TMC6: variants seen among roughly 807,000 people sequenced by gnomAD.
TMC6 encodes the protein transmembrane channel like 6.
In TMC6, 71 loss-of-function variants were observed where a neutral mutation model predicts 95.4. The ratio of observed to expected loss-of-function variants is 0.74; its 90% CI spans 0.61 to 0.91. TMC6 has a LOEUF of 0.91. Ranked by LOEUF, TMC6 falls within the 40% of genes least tolerant of loss-of-function variation. The pLI, the probability that TMC6 is intolerant of heterozygous loss-of-function variation, is 0.00. For missense variants in TMC6, 1,074 were observed against 1,079.1 expected (o/e 1.00, Z 0.07); for synonymous variants, 514 against 483.1 (o/e 1.06, Z -0.84).
At chr17:78,126,493 C>T (rs534061801) in intron 3 of TMC6, 31 bp downstream of exon 3, 2 of 1,612,202 alleles carry the variant, frequency 1.2e-6, no homozygotes, top group East Asian at 4.5e-5. Flanking sequence ...AGTCTTGGTC[C>T]ACACCACCCA....
intron 2 of TMC6, 46 bp downstream of exon 2, chr17:78,126,731 G>A (rs572083133): frequency 6.2e-6 from 10 of 1,611,708 alleles, no homozygotes; most frequent in African/African-American, 2.7e-5. Context: ...CTCTCCGTGG[G>A]GGGTGGAACA....
chr17:78,124,589 C>T lies in TMC6; in HGVS notation c.826G>A (p.Ala276Thr), dbSNP rs201290210. ...LVAFIMGPQV[A>T]FPPALPGPAP... The stretch of plus-strand genomic sequence containing the variant: ...GGGCCCGGCAGGGCGGGTGGGAAGG[C>T]GACCTGAGGGCCCATGATGAAGGCC... The change falls in exon 8 of 20, where the codon GCC becomes ACC. Residue 276 changes from alanine to threonine, a missense_variant. Physicochemically the swap from Ala to Thr is moderately conservative, Grantham distance 58. Coordinates refer to ENST00000590602, the MANE Select transcript of TMC6 (RefSeq NM_001127198.5). The T allele has an allele frequency of 2.1e-5, 34 of 1,612,206 alleles. No homozygotes were observed. The highest frequency in any genetic ancestry group is 6.7e-5 in the African/African-American group (5 of 75,030).
At position 78,116,276 on chromosome 17, in the gene TMC6, C is replaced by CTT. The variant is rs34774395; in HGVS notation, c.2277+991_2277+992dup. On this transcript the variant is annotated intron_variant, in intron 18 of 19. Coordinates refer to ENST00000590602, the MANE Select transcript of TMC6 (RefSeq NM_001127198.5). ...AGAGGCCTGAGCCCCCATGCCCAGG[C>CTT]TTTTTTTTTTTTTTTTTTATGAGAC... Among the ~76,000 whole-genome samples, 173 of 125,432 alleles carry CTT rather than the reference C, an allele frequency of 1.4e-3. 3 individuals are homozygous for CTT. Among genetic ancestry groups the CTT allele is most frequent in the Admixed American group, 2.7e-3 (33 of 12,404 alleles). The allele number at this position is 125,432 out of a possible 152,430, so 82.3% of individuals were successfully genotyped here. A position where few individuals can be genotyped will look rare whatever the true frequency, so the allele number is the denominator to read the frequency against.
At chr17:78,127,099 T>A in intron 1 of TMC6, 193 bp from the exon 2 acceptor site, 1 of 580,216 alleles carries the variant, frequency 1.7e-6, no homozygotes. Context: ...GGGGGCCCCC[T>A]CCAGTGTCAG....
intron 5 of TMC6, 88 bp from the exon 6 acceptor site, chr17:78,125,351 C>T: frequency 5.8e-6 from 7 of 1,213,196 alleles, no homozygotes; most frequent in Non-Finnish European, 8.2e-6. Context: ...CTGTGTGTCC[C>T]TGCGGCACCG....
intron 15 of TMC6, 37 bp from the exon 16 acceptor site, chr17:78,117,972 AC>A: frequency 6.4e-7 from 1 of 1,572,088 alleles, no homozygotes; most frequent in Admixed American, 1.9e-5. Context: ...CCATCCTGCT[AC>A]CCCTCAGCAC....
upstream of TMC6, chr17:78,131,580 C>A: frequency 1.3e-6 from 2 of 1,543,536 alleles, no homozygotes; most frequent in Non-Finnish European, 1.7e-6. Context: ...TCTACCCGTG[C>A]CCGCCGAGAT....
At chr17:78,115,702 G>GA (rs1567983102) in intron 18 of TMC6, among the ~76,000 whole-genome samples, 14 of 26,742 alleles carry the variant, frequency 5.2e-4, no homozygotes, top group Non-Finnish European at 6.6e-4. Context: ...TGGGCACAGG[G>GA]GCGAAGGGAG....
At chr17:78,131,663 G>T, upstream of TMC6, 1 of 1,568,054 alleles carries the variant, frequency 6.4e-7, no homozygotes, top group East Asian at 2.3e-5. Context: ...GGGAGGCAGA[G>T]ATGGAGCGGC....
chr17:78,126,761 G>T lies in TMC6; in HGVS notation c.56+16C>A, dbSNP rs1343332762. Reference sequence around the variant, plus strand: ...GGAACATTCCAGCCTCCAGCCCCCAGCCCCAGAGCGCTTACCCCTGGTCCC... The same window carrying T: ...GGAACATTCCAGCCTCCAGCCCCCATCCCCAGAGCGCTTACCCCTGGTCCC... On this transcript the variant is annotated intron_variant, in intron 2 of 19. Transcript: ENST00000590602. 1.2e-6 allele frequency: 2 copies of T among 1,612,914 alleles called. No individual in the cohort carries two copies. The highest frequency in any genetic ancestry group is 3.3e-5 in the Admixed American group (2 of 59,978).
intron 13 of TMC6, 97 bp downstream of exon 13, chr17:78,120,556 C>T (rs370165685): frequency 6.4e-7 from 1 of 1,565,580 alleles, no homozygotes; most frequent in East Asian, 2.2e-5. Flanking sequence ...ACACAGGGCC[C>T]TGATGGGAAA....
chr17:78,113,669 C>T (rs764051991), intron 18 of TMC6, 45 bp from the exon 19 acceptor site: 1 of 1,599,100 alleles, frequency 6.3e-7, no homozygotes, highest in Non-Finnish European at 8.5e-7. Context: ...CATCCATCAG[C>T]CCATCCAGAG....
chr17:78,118,954 G>T lies in TMC6; in HGVS notation c.1887+17C>A. ...CACCCTGCCAGCCCAGCCCTCCCCA[G>T]GCCTTGGCAGCCTCACCTTCTTGAC... is the stretch of plus-strand genomic sequence containing the variant. On this transcript the variant is annotated intron_variant, in intron 15 of 19. Transcript: ENST00000590602. 6.3e-7 allele frequency: 1 copy of T among 1,585,556 alleles called. No individual in the cohort carries two copies. The highest frequency in any genetic ancestry group is 8.6e-7 in the Non-Finnish European group (1 of 1,166,074).
intron 1 of TMC6, among the ~76,000 whole-genome samples, chr17:78,127,372 C>A (rs1035153250): frequency 6.6e-6 from 1 of 152,176 alleles, no homozygotes; most frequent in African/African-American, 2.4e-5. Context: ...GCCCTCACCC[C>A]CAACCAGCCC....
chr17:78,132,319 G>A, upstream of TMC6: 1 of 1,608,512 alleles, frequency 6.2e-7, no homozygotes, highest in Non-Finnish European at 8.5e-7. Context: ...CCCCAGCCCC[G>A]GCCCCGGCCT....
intron 13 of TMC6, chr17:78,120,318 C>G (rs1472158792): frequency 2.5e-6 from 1 of 407,616 alleles, no homozygotes; most frequent in African/African-American, 2.1e-5. Flanking sequence ...CGCCACCACG[C>G]CCTGCTAATT....
rs1360633614 is a variant in TMC6 at position 78,125,166 on chromosome 17, G to T, written c.528C>A (p.Arg176=). The change falls in exon 6 of 20, where the codon CGC becomes CGA. Residue 176 remains arginine, a synonymous_variant. Coordinates refer to ENST00000590602, the MANE Select transcript of TMC6 (RefSeq NM_001127198.5). The part of the protein sequence containing the change: ...RGMPLSLAEK[R]SLREKSRTPR... The stretch of plus-strand genomic sequence containing the variant: ...GGGTCGGGGCTGCTCACCGCAGGCT[G>T]CGTTTCTCAGCCAGGCTTAAGGGCA... The T allele has an allele frequency of 6.4e-7, 1 of 1,566,936 alleles. No individual in the cohort carries two copies. Among genetic ancestry groups the T allele is most frequent in the Admixed American group, 1.9e-5 (1 of 52,882 alleles).
At position 78,107,667 on chromosome 17, in the gene TMC6, TTAA is replaced by T. The variant is rs2073725159; in HGVS notation, c.*5478_*5480del. The T allele has an allele frequency of 6.6e-6, 1 of 152,246 alleles. No individual in the cohort carries two copies. Among genetic ancestry groups the T allele is most frequent in the South Asian group, 2.1e-4 (1 of 4,836 alleles). 9.4% of individuals were successfully genotyped at this position (152,246 alleles called of 1,614,324 possible). On this transcript the variant is annotated 3_prime_UTR_variant, in exon 20 of 20. Transcript: ENST00000590602. ...TGGTTTTGCTGTAAATATTGAAATC[TTAA>T]TCATCATCGAGAGGCACAGCCAAGC...
At position 78,125,214 on chromosome 17, in the gene TMC6, C is replaced by T. The variant is rs2145370917; in HGVS notation, c.480G>A (p.Gln160=). Residue 160 remains glutamine, a synonymous_variant, in exon 6 of 20, where the codon CAG becomes CAA. Transcript: ENST00000590602. ...GCATCCCGCGAAGCATGTGGTCCCG[C>T]TGTGCCACTGCCAGGCTCTGGAGCT... ...VKELQSLAVA[Q]RDHMLRGMPL... is the part of the protein sequence containing the mutation. 6.3e-7 allele frequency: 1 copy of T among 1,590,892 alleles called. No homozygotes were observed. The highest frequency in any genetic ancestry group is 8.6e-7 in the Non-Finnish European group (1 of 1,168,286).
Sources: allele counts gnomAD v4.1 joint callset (sites outside exome capture counted in the v4.1 genomes callset), GRCh38; gene constraint gnomAD v4.1.1; transcripts MANE v1.5; gene names NCBI Gene and HGNC (gene_info 2026-07-23, HGNC 2026-07-21).